DCP1A: variants seen among roughly 807,000 people sequenced by gnomAD.
DCP1A encodes the protein mRNA-decapping enzyme 1A.
Under a neutral mutation model 58.0 loss-of-function variants are expected in DCP1A, and 20 were observed. That is an observed-to-expected ratio of 0.34 (90% CI 0.24 to 0.50). DCP1A has a LOEUF of 0.50. Ranked by LOEUF, DCP1A falls within the 20% of genes least tolerant of loss-of-function variation. The pLI, the probability that DCP1A is intolerant of heterozygous loss-of-function variation, is 0.98. For missense variants in DCP1A, 613 were observed against 712.2 expected (o/e 0.86, Z 1.59); for synonymous variants, 285 against 275.1 (o/e 1.04, Z -0.36).
intron 5 of DCP1A, among the ~76,000 whole-genome samples, chr3:53,309,418 A>G (rs1277839856): frequency 6.6e-6 from 1 of 151,986 alleles, no homozygotes; most frequent in Non-Finnish European, 1.5e-5. Flanking sequence ...TAGAAGTGCA[A>G]TATCTTTCTT....
chr3:53,293,704 C>T (rs536635881), intron 6 of DCP1A, among the ~76,000 whole-genome samples: 2 of 152,246 alleles, frequency 1.3e-5, no homozygotes, highest in African/African-American at 4.8e-5. Context: ...CTCAAGGCTT[C>T]AGAAAGTCTG....
At chr3:53,344,752 C>A (rs993326426) in intron 2 of DCP1A, 150 bp downstream of exon 2, 3 of 528,066 alleles carry the variant, frequency 5.7e-6, no homozygotes, top group Non-Finnish European at 1.0e-5. Context: ...AAAGAAAGAA[C>A]CTGGTTAAGA....
In DCP1A at chr3:53,292,301, G is replaced by A. The variant is rs782284886; in HGVS notation, c.1151C>T (p.Thr384Ile). 3.1e-6 allele frequency: 5 copies of A among 1,613,748 alleles called. No individual in the cohort carries two copies. The highest frequency in any genetic ancestry group is 3.3e-5 in the Admixed American group (2 of 60,002). Residue 384 changes from threonine (T) to isoleucine (I), a missense_variant, in exon 7 of 10, where the codon ACA becomes ATA. This residue lies in a region of DCP1A where 498 missense variants were observed against 556.7 expected (regional missense o/e 0.89). Transcript: ENST00000610213. ...AACGCTTGGGAGGGATGTGCCAGCTGTGTTCGTCACGTTCAATGGGGCCCT... is the reference window on the plus strand; with the variant it reads ...AACGCTTGGGAGGGATGTGCCAGCTATGTTCGTCACGTTCAATGGGGCCCT... ...PFRAPLNVTN[T>I]AGTSLPSVDL...
chr3:53,307,539 AC>A (rs1553688219), intron 5 of DCP1A, among the ~76,000 whole-genome samples: 1 of 152,134 alleles, frequency 6.6e-6, no homozygotes, highest in African/African-American at 2.4e-5. Flanking sequence ...AAGCAATAAA[AC>A]TGGCTTATAT....
intron 5 of DCP1A, among the ~76,000 whole-genome samples, chr3:53,309,927 A>G (rs1208526747): frequency 6.6e-6 from 1 of 152,204 alleles, no homozygotes; most frequent in Non-Finnish European, 1.5e-5. Flanking sequence ...CTGAGTCTTC[A>G]CCTAAAGATA....
chr3:53,321,448 G>A (rs782812096), intron 3 of DCP1A, among the ~76,000 whole-genome samples: 6 of 152,232 alleles, frequency 3.9e-5, no homozygotes, highest in Non-Finnish European at 5.9e-5. Context: ...GGCTGGGCAT[G>A]GTGGCTCACG....
At chr3:53,312,186 C>T in intron 5 of DCP1A, 55 bp downstream of exon 5, 1 of 1,507,672 alleles carries the variant, frequency 6.6e-7, no homozygotes, top group South Asian at 1.3e-5. Flanking sequence ...CTGCAGACCT[C>T]CTCCTCCCGT....
chr3:53,333,766 A>C (rs1392008946), intron 3 of DCP1A, among the ~76,000 whole-genome samples: 2 of 152,254 alleles, frequency 1.3e-5, no homozygotes, highest in South Asian at 4.2e-4. Context: ...TATCATTCAA[A>C]ATTATTTTAT....
intron 3 of DCP1A, among the ~76,000 whole-genome samples, chr3:53,321,162 G>A (rs1418491108): frequency 6.6e-6 from 1 of 152,244 alleles, no homozygotes; most frequent in Non-Finnish European, 1.5e-5. Flanking sequence ...GTGGGGGTTT[G>A]TAAGACACTT....
chr3:53,290,836 A>C lies in DCP1A; in HGVS notation c.1404T>G (p.Asp468Glu), dbSNP rs1245681353. 5.6e-6 allele frequency: 9 copies of C among 1,611,874 alleles called. No homozygotes were observed. The highest frequency in any genetic ancestry group is 7.6e-6 in the Non-Finnish European group (9 of 1,179,170). ...CCTTAGGCTGCACAAATACTTCAGGATCCTGGTTCTGCTGCATAGACTGAA... is the reference window on the plus strand; with the variant it reads ...CCTTAGGCTGCACAAATACTTCAGGCTCCTGGTTCTGCTGCATAGACTGAA... ...APLQSMQQNQ[D>E]PEVFVQPKVL... The change falls in exon 8 of 10, where the codon GAT (aspartate) becomes GAG (glutamate). Residue 468 changes from aspartate to glutamate, a missense_variant. Physicochemically the swap from Asp to Glu is conservative, Grantham distance 45 (BLOSUM62 2). Coordinates refer to ENST00000610213, the MANE Select transcript of DCP1A (RefSeq NM_018403.7).
intron 3 of DCP1A, among the ~76,000 whole-genome samples, chr3:53,327,105 T>A (rs782569917): frequency 1.2e-4 from 19 of 152,208 alleles, no homozygotes; most frequent in Non-Finnish European, 2.5e-4. Flanking sequence ...GAATTCCCAT[T>A]TCCTAGGCTT....
At chr3:53,327,073 G>A (rs1708130201) in intron 3 of DCP1A, among the ~76,000 whole-genome samples, 1 of 151,678 alleles carries the variant, frequency 6.6e-6, no homozygotes, top group Middle Eastern at 3.2e-3. Context: ...GGGGAAGCAT[G>A]GCCCCTGACC....
rs141112498 is a variant in DCP1A at position 53,345,534 on chromosome 3, A to G, written c.136-592T>C. Among the ~76,000 whole-genome samples, 651 of 152,242 alleles carry G rather than the reference A, an allele frequency of 4.3e-3. 3 individuals carry two copies. Among genetic ancestry groups the G allele is most frequent in the African/African-American group, 0.015 (608 of 41,572 alleles). On this transcript the variant is annotated intron_variant, in intron 1 of 9. Transcript: ENST00000610213. ...AGTGTAATTATTGGAGGCCTTTACC[A>G]TAGTTCATTTTCTGTGACAAGAGTG... is the stretch of plus-strand genomic sequence containing the variant.
At chr3:53,313,754 T>C (rs1464705343) in intron 4 of DCP1A, among the ~76,000 whole-genome samples, 3 of 151,734 alleles carry the variant, frequency 2.0e-5, no homozygotes, top group South Asian at 4.2e-4. Flanking sequence ...TGAAACCCTG[T>C]TTTAAAAAAC....
At chr3:53,313,531 G>C (rs1707711207) in intron 4 of DCP1A, among the ~76,000 whole-genome samples, 1 of 110,706 alleles carries the variant, frequency 9.0e-6, no homozygotes, top group Non-Finnish European at 2.2e-5. Context: ...CTGAAAGCTG[G>C]GTGGTAAGCA....
At chr3:53,328,125 A>G (rs1383284423) in intron 3 of DCP1A, among the ~76,000 whole-genome samples, 1 of 148,790 alleles carries the variant, frequency 6.7e-6, no homozygotes, top group African/African-American at 2.5e-5. Flanking sequence ...CGTCTCAGGA[A>G]AAAAAAAAAA....
In DCP1A at chr3:53,297,310, G is replaced by A. The variant is rs190296146; in HGVS notation, c.625-4483C>T. 2.6e-5 allele frequency among the ~76,000 whole-genome samples: 4 copies of A among 151,372 alleles called. No homozygotes were observed. In the East Asian group the frequency reaches 7.8e-4, roughly 29 times the overall value. On this transcript the variant is annotated intron_variant, in intron 6 of 9. Coordinates refer to ENST00000610213, the MANE Select transcript of DCP1A (RefSeq NM_018403.7). ...CACATTATATGTTTAGAAAACAAAT[G>A]GGTCAGGTTTCTTAGCAAAAAAAAG...
chr3:53,311,421 G>T lies in DCP1A; in HGVS notation c.510+820C>A, dbSNP rs961739416. ...TCCAGGAGAGTCATAACCATGAAAT[G>T]CCCACTGCTTGCACATAGTAGATGG... On this transcript the variant is annotated intron_variant, in intron 5 of 9. Coordinates refer to ENST00000610213, the MANE Select transcript of DCP1A (RefSeq NM_018403.7). 5.9e-5 allele frequency among the ~76,000 whole-genome samples: 9 copies of T among 152,202 alleles called. No homozygotes were observed. The East Asian group carries it at 1.7e-3, about 29-fold the overall frequency.
chr3:53,336,687 G>A (rs75089810), intron 3 of DCP1A, among the ~76,000 whole-genome samples: 25 of 152,066 alleles, frequency 1.6e-4, no homozygotes, highest in African/African-American at 4.3e-4. Flanking sequence ...GCCAGATGCC[G>A]TAGAGTAATC....
Sources: allele counts gnomAD v4.1 joint callset (sites outside exome capture counted in the v4.1 genomes callset), GRCh38; gene constraint gnomAD v4.1.1; regional missense constraint gnomAD v4.1.1; transcripts MANE v1.5; gene names NCBI Gene and HGNC (gene_info 2026-07-23, HGNC 2026-07-21).